GULP1: variants seen among roughly 807,000 people sequenced by gnomAD.
GULP1 encodes GULP PTB domain containing engulfment adaptor 1, also known as PTB domain-containing engulfment adapter protein 1.
In GULP1, 19 loss-of-function variants were observed where a neutral mutation model predicts 40.9. The ratio of observed to expected loss-of-function variants is 0.46; its 90% CI spans 0.32 to 0.68. GULP1 has a LOEUF of 0.68. Among genes scored for constraint, GULP1 ranks in the 30% least tolerant of loss-of-function variants. The probability of loss-of-function intolerance (pLI) is 0.03; values close to 1 mark genes in which losing one functional copy is unlikely to be tolerated. For missense variants in GULP1, 312 were observed against 362.2 expected (o/e 0.86, Z 1.12); for synonymous variants, 119 against 117.6 (o/e 1.01, Z -0.08).
At chr2:188,476,506 G>A (rs1391843474) in intron 2 of GULP1, among the ~76,000 whole-genome samples, 1 of 151,642 alleles carries the variant, frequency 6.6e-6, no homozygotes, top group East Asian at 1.9e-4. Flanking sequence ...GTTGAAGCAG[G>A]TCTCTAGGTT....
chr2:188,320,738 T>C lies in GULP1; in HGVS notation c.-172+28572T>C, dbSNP rs184409463. ...CTTCAACATTCATCTTCTATGTGAA[T>C]ATGGGCAATCTTCAATTTAAATGGA... is the stretch of plus-strand genomic sequence containing the variant. On this transcript the variant is annotated intron_variant, in intron 1 of 11. Transcript: ENST00000409830. Among the ~76,000 whole-genome samples the C allele has an allele frequency of 2.0e-5, 3 of 152,246 alleles. No individual in the cohort carries two copies. The East Asian group carries it at 5.8e-4, about 29-fold the overall frequency.
chr2:188,477,846 GTT>G, intron 3 of GULP1, 116 bp downstream of exon 3: 1 of 732,464 alleles, frequency 1.4e-6, no homozygotes, highest in Non-Finnish European at 2.3e-6. Context: ...CAGAAATGAA[GTT>G]AGATTAGAGC....
chr2:188,304,039 T>C lies in GULP1; in HGVS notation c.-172+11873T>C, dbSNP rs749343190. On this transcript the variant is annotated intron_variant, in intron 1 of 11. Transcript: ENST00000409830. ...CTTGTTTTAAAAGGGAGCCACATTC[T>C]TGTGGGTTTTTGAATGAGAATAAAT... Among the ~76,000 whole-genome samples, 39 of 152,186 alleles carry C rather than the reference T, an allele frequency of 2.6e-4. 1 individual carries two copies. Among genetic ancestry groups the C allele is most frequent in the Non-Finnish European group, 5.1e-4 (35 of 68,036 alleles).
chr2:188,531,537 A>G (rs531781201), intron 6 of GULP1, among the ~76,000 whole-genome samples: 2 of 152,280 alleles, frequency 1.3e-5, no homozygotes, highest in East Asian at 1.9e-4. Flanking sequence ...TTCACCCTCA[A>G]TATTCAATTA....
At chr2:188,392,307 A>AT (rs58828722) in intron 2 of GULP1, among the ~76,000 whole-genome samples, 49,791 of 151,660 alleles carry the variant, frequency 0.33, 9,546 homozygotes, top group East Asian at 0.52. Context: ...CAGGGTTTTT[A>AT]TTTCTTCTTG....
At chr2:188,473,155 T>TC (rs2060730026) in intron 2 of GULP1, among the ~76,000 whole-genome samples, 1 of 120,916 alleles carries the variant, frequency 8.3e-6, no homozygotes, top group Non-Finnish European at 1.6e-5. Flanking sequence ...GGGTCTCTCT[T>TC]TCTCTCTCTC....
chr2:188,421,187 TAAAC>T (rs928545895), intron 2 of GULP1, among the ~76,000 whole-genome samples: 3 of 152,236 alleles, frequency 2.0e-5, no homozygotes, highest in South Asian at 2.1e-4. Flanking sequence ...TTAAAACTAA[TAAAC>T]AAATTCAGTA....
Position 188,568,754 on chromosome 2 carries a change from A to G in GULP1, c.400-485A>G, listed in dbSNP as rs538566608. On this transcript the variant is annotated intron_variant, in intron 7 of 11. Transcript: ENST00000409830. The stretch of plus-strand genomic sequence containing the variant: ...TTAGAGGGCATACCTCAAGTTTTCC[A>G]GAGACACCACCTGGCCAGCCTCATT... Among the ~76,000 whole-genome samples the G allele has an allele frequency of 2.0e-4, 30 of 152,290 alleles. No homozygotes were observed. The South Asian group carries it at 6.0e-3, about 31-fold the overall frequency.
chr2:188,442,406 T>C (rs936058675), intron 2 of GULP1, among the ~76,000 whole-genome samples: 1 of 152,174 alleles, frequency 6.6e-6, no homozygotes, highest in East Asian at 1.9e-4. Flanking sequence ...AGAGAGGGAA[T>C]TTAATAAAGT....
chr2:188,534,764 T>G (rs1397519291), intron 6 of GULP1, among the ~76,000 whole-genome samples: 1 of 152,126 alleles, frequency 6.6e-6, no homozygotes, highest in East Asian at 1.9e-4. Flanking sequence ...TTCAGGTTTC[T>G]ATCAATAAGT....
intron 2 of GULP1, among the ~76,000 whole-genome samples, chr2:188,456,657 G>A (rs189732833): frequency 1.3e-5 from 2 of 152,174 alleles, no homozygotes; most frequent in Admixed American, 6.5e-5. Context: ...GGGAAATGTG[G>A]GGTGAGAGTT....
At chr2:188,337,192 G>A (rs1346091773) in intron 1 of GULP1, among the ~76,000 whole-genome samples, 1 of 151,794 alleles carries the variant, frequency 6.6e-6, no homozygotes, top group Non-Finnish European at 1.5e-5. Flanking sequence ...AGGCTGGAGT[G>A]CAATGGTAAG....
chr2:188,358,123 G>A (rs1030668378), intron 1 of GULP1, among the ~76,000 whole-genome samples: 5 of 152,174 alleles, frequency 3.3e-5, no homozygotes, highest in South Asian at 4.1e-4. Flanking sequence ...AGAAGTTTCA[G>A]TGAGCCAAGA....
intron 6 of GULP1, among the ~76,000 whole-genome samples, chr2:188,535,959 T>C (rs1490481198): frequency 1.3e-5 from 2 of 152,156 alleles, no homozygotes; most frequent in African/African-American, 4.8e-5. Context: ...ATGTGGAGCA[T>C]TTTTTTCATG....
chr2:188,540,856 C>G (rs1250681070), intron 6 of GULP1, among the ~76,000 whole-genome samples: 2 of 152,030 alleles, frequency 1.3e-5, no homozygotes, highest in Non-Finnish European at 2.9e-5. Context: ...TCATTGTTCT[C>G]CTCTGTAAAC....
At chr2:188,366,046 C>A (rs2046736302) in intron 1 of GULP1, among the ~76,000 whole-genome samples, 1 of 152,134 alleles carries the variant, frequency 6.6e-6, no homozygotes, top group Non-Finnish European at 1.5e-5. Context: ...TCCAACTTTT[C>A]TGCTCAACTG....
intron 7 of GULP1, among the ~76,000 whole-genome samples, chr2:188,560,569 C>T (rs1452003277): frequency 6.6e-6 from 1 of 152,196 alleles, no homozygotes; most frequent in Non-Finnish European, 1.5e-5. Flanking sequence ...TATAGCAATG[C>T]CCCAGTCCTC....
chr2:188,415,576 G>A (rs565466336), intron 2 of GULP1, among the ~76,000 whole-genome samples: 130 of 152,062 alleles, frequency 8.5e-4, no homozygotes, highest in Non-Finnish European at 1.4e-3. Context: ...GTAGAGCAAA[G>A]CTGAAAAAAG....
At chr2:188,547,213 C>T (rs563424523) in intron 7 of GULP1, among the ~76,000 whole-genome samples, 3 of 150,728 alleles carry the variant, frequency 2.0e-5, no homozygotes, top group Admixed American at 2.0e-4. Flanking sequence ...ACTAGTATTT[C>T]TCTGATACCA....
Sources: gnomAD v4.1 joint callset for allele counts (sites outside exome capture counted in the v4.1 genomes callset) on GRCh38, gnomAD v4.1.1 for gene constraint, MANE v1.5 for transcripts, NCBI Gene and HGNC (gene_info 2026-07-23, HGNC 2026-07-21) for gene names.